The following STXBP6 variants were observed in gnomAD, a reference collection of about 807,000 sequenced individuals.
The protein encoded by STXBP6 is syntaxin-binding protein 6.
Under a neutral mutation model 26.9 loss-of-function variants are expected in STXBP6, and 21 were observed. That is an observed-to-expected ratio of 0.78 (90% CI 0.55 to 1.12). STXBP6 has a LOEUF of 1.12. Among genes scored for constraint, STXBP6 ranks in the 50% most tolerant of loss-of-function variants. The probability of loss-of-function intolerance (pLI) is 0.00; values close to 1 mark genes in which losing one functional copy is unlikely to be tolerated. For missense variants in STXBP6, 232 were observed against 257.9 expected, an observed-to-expected ratio of 0.90 and a Z score of 0.69; for synonymous variants, 97 against 92.6, an observed-to-expected ratio of 1.05 and a Z score of -0.27.
intron 4 of STXBP6, among the ~76,000 whole-genome samples, chr14:24,836,616 A>AG: frequency 6.6e-6 from 1 of 151,106 alleles, no homozygotes. Context: ...CAAAAAAAAA[A>AG]AAAAAAAAAA....
rs1015008765 is a variant in STXBP6 at position 24,882,400 on chromosome 14, A to G, written c.155-25243T>C. ...TCTCAAAAAAAAAAAAAAAAAAAAA[A>G]AAAAAAAAAAAAAAGAGGGGCTTTC... is the stretch of plus-strand genomic sequence containing the variant. On this transcript the variant is annotated intron_variant, in intron 2 of 5. Transcript: ENST00000323944. 1.8e-3 allele frequency among the ~76,000 whole-genome samples: 265 copies of G among 144,070 alleles called. 3 individuals are homozygous for G. The highest frequency in any genetic ancestry group is 3.5e-3 in the Non-Finnish European group (226 of 65,504). 94.5% of individuals were successfully genotyped at this position (144,070 alleles called of 152,430 possible).
chr14:24,930,275 T>C (rs1307882302), intron 2 of STXBP6, among the ~76,000 whole-genome samples: 2 of 152,226 alleles, frequency 1.3e-5, no homozygotes, highest in East Asian at 1.9e-4. Context: ...TTTTCATATG[T>C]TTTTTATTTG....
intron 1 of STXBP6, among the ~76,000 whole-genome samples, chr14:24,981,012 C>A (rs557767665): frequency 1.3e-5 from 2 of 152,300 alleles, no homozygotes; most frequent in East Asian, 1.9e-4. Context: ...TGCTATACAA[C>A]CAGGTCCAGA....
chr14:24,969,300 G>A (rs956706612), intron 2 of STXBP6, among the ~76,000 whole-genome samples: 4 of 152,152 alleles, frequency 2.6e-5, no homozygotes, highest in African/African-American at 4.8e-5. Flanking sequence ...GCAGCCAAGG[G>A]AAGATTTTCA....
chr14:24,984,209 C>T (rs1172057671), intron 1 of STXBP6, among the ~76,000 whole-genome samples: 1 of 152,004 alleles, frequency 6.6e-6, no homozygotes, highest in Non-Finnish European at 1.5e-5. Context: ...TCCAGCCTGG[C>T]AACAGAGTGA....
At chr14:24,845,578 T>C (rs1036415692) in intron 4 of STXBP6, among the ~76,000 whole-genome samples, 4 of 152,160 alleles carry the variant, frequency 2.6e-5, no homozygotes, top group Non-Finnish European at 4.4e-5. Context: ...ATAGGACATA[T>C]ATAAAAGTAT....
rs373068735 is a variant in STXBP6, at chr14:24,810,865, C to CTATGTGTGTG, written c.*1843_*1844insCACACACATA. On this transcript the variant is annotated 3_prime_UTR_variant, in exon 6 of 6. Transcript: ENST00000323944. ...CCAATTTGGAAAGATAAATACATCTCTGTGTGTGTGTGTGTGTGTGTGTGT... is the reference window on the plus strand; with the variant it reads ...CCAATTTGGAAAGATAAATACATCTCTATGTGTGTGTGTGTGTGTGTGTGTGTGTGTGTGT... 2 of 137,570 alleles carry CTATGTGTGTG rather than the reference C, an allele frequency of 1.5e-5. No homozygotes were observed. The highest frequency in any genetic ancestry group is 3.1e-5 in the Non-Finnish European group (2 of 64,938). The allele number at this position is 137,570 out of a possible 1,614,324, so 8.5% of individuals were successfully genotyped here. A position where few individuals can be genotyped will look rare whatever the true frequency, so the allele number is the denominator to read the frequency against.
intron 4 of STXBP6, among the ~76,000 whole-genome samples, chr14:24,825,776 A>T (rs988549602): frequency 6.6e-6 from 1 of 152,220 alleles, no homozygotes; most frequent in Non-Finnish European, 1.5e-5. Context: ...ATTGACAAGG[A>T]TCAAACATTT....
chr14:24,955,393 C>T (rs1158088891), intron 2 of STXBP6, among the ~76,000 whole-genome samples: 12 of 152,298 alleles, frequency 7.9e-5, no homozygotes, highest in Admixed American at 1.3e-4. Flanking sequence ...CCTGCTGCAG[C>T]GCCTTCATCT....
At chr14:24,932,734 A>G (rs949762397) in intron 2 of STXBP6, among the ~76,000 whole-genome samples, 9 of 152,174 alleles carry the variant, frequency 5.9e-5, no homozygotes, top group African/African-American at 2.2e-4. Flanking sequence ...GGTAGAACCA[A>G]CAACTCTTGC....
chr14:24,998,172 T>C (rs1361294628), intron 1 of STXBP6, among the ~76,000 whole-genome samples: 1 of 152,190 alleles, frequency 6.6e-6, no homozygotes, highest in African/African-American at 2.4e-5. Flanking sequence ...CAATACTAGG[T>C]ATTATCAGTT....
chr14:24,912,429 G>T (rs1595096242), intron 2 of STXBP6, among the ~76,000 whole-genome samples: 1 of 115,846 alleles, frequency 8.6e-6, no homozygotes, highest in Non-Finnish European at 1.7e-5. Context: ...AAGGTTTATA[G>T]AAAGTGAATG....
intron 4 of STXBP6, among the ~76,000 whole-genome samples, chr14:24,833,727 C>T (rs905798760): frequency 1.3e-5 from 2 of 152,028 alleles, no homozygotes; most frequent in African/African-American, 4.8e-5. Flanking sequence ...GGATTTAAAA[C>T]AAATTCTATC....
At chr14:24,960,170 G>T (rs1360256318) in intron 2 of STXBP6, among the ~76,000 whole-genome samples, 1 of 152,200 alleles carries the variant, frequency 6.6e-6, no homozygotes, top group Non-Finnish European at 1.5e-5. Context: ...GGAATCTGGG[G>T]GCAGATTGAG....
intron 2 of STXBP6, among the ~76,000 whole-genome samples, chr14:24,893,980 A>G (rs930862033): frequency 6.6e-6 from 1 of 152,258 alleles, no homozygotes; most frequent in Non-Finnish European, 1.5e-5. Flanking sequence ...TCATAGAAAT[A>G]GGGTTATAGC....
At chr14:24,957,514 G>T (rs1215524010) in intron 2 of STXBP6, among the ~76,000 whole-genome samples, 1 of 152,184 alleles carries the variant, frequency 6.6e-6, no homozygotes, top group African/African-American at 2.4e-5. Flanking sequence ...GCCTTTTCTA[G>T]TTCCATCTCT....
intron 4 of STXBP6, among the ~76,000 whole-genome samples, chr14:24,820,153 G>C (rs1223898826): frequency 2.0e-5 from 3 of 152,222 alleles, no homozygotes. Flanking sequence ...CTGAGTGTGA[G>C]ATATTTAATG....
chr14:24,892,548 T>G (rs1196307238), intron 2 of STXBP6, among the ~76,000 whole-genome samples: 2 of 152,080 alleles, frequency 1.3e-5, no homozygotes, highest in African/African-American at 4.8e-5. Flanking sequence ...CCCCTTGGTT[T>G]GAGTCTTTTT....
intron 2 of STXBP6, among the ~76,000 whole-genome samples, chr14:24,960,417 T>C (rs565989928): frequency 6.6e-6 from 1 of 152,320 alleles, no homozygotes; most frequent in African/African-American, 2.4e-5. Flanking sequence ...GATGCATATT[T>C]TAAATTACAT....
Sources: allele counts gnomAD v4.1 joint callset (sites outside exome capture counted in the v4.1 genomes callset), GRCh38; gene constraint gnomAD v4.1.1; transcripts MANE v1.5; gene names NCBI Gene and HGNC (gene_info 2026-07-23, HGNC 2026-07-21).